The following PCDH15 variants were observed in gnomAD, a reference collection of about 807,000 sequenced individuals.
The protein encoded by PCDH15 is protocadherin related 15.
PCDH15 carries 129 observed loss-of-function variants against 178.5 expected under a neutral mutation model. That is an observed-to-expected ratio of 0.72 (90% CI 0.63 to 0.84). The LOEUF (loss-of-function observed/expected upper bound fraction) is 0.84. PCDH15 is among the 40% of genes least tolerant of loss of function. PCDH15 has a pLI of 0.00. For synonymous variants in PCDH15, 800 were observed against 732.0 expected (o/e 1.09, Z -1.50); for missense variants, 2,230 against 2,099.9 (o/e 1.06, Z -1.21).
chr10:54,259,287 C>G (rs1479567509), intron 8 of PCDH15, among the ~76,000 whole-genome samples: 3 of 152,180 alleles, frequency 2.0e-5, no homozygotes, highest in Admixed American at 6.5e-5. Flanking sequence ...CCAACATCTT[C>G]TACCGGCCCC....
chr10:55,405,356 A>G (rs1436893831), intron 2 of PCDH15, among the ~76,000 whole-genome samples: 2 of 146,524 alleles, frequency 1.4e-5, no homozygotes, highest in Non-Finnish European at 3.0e-5. Flanking sequence ...GTCATAATAT[A>G]AAGGAGTAAT....
chr10:53,910,829 T>C (rs1319002269), intron 25 of PCDH15, among the ~76,000 whole-genome samples: 2 of 152,088 alleles, frequency 1.3e-5, no homozygotes, highest in African/African-American at 4.8e-5. Context: ...AATGACCTGA[T>C]GGAGCTGAAA....
intron 1 of PCDH15, among the ~76,000 whole-genome samples, chr10:54,718,488 C>T (rs2095507913): frequency 6.6e-6 from 1 of 151,910 alleles, no homozygotes; most frequent in Non-Finnish European, 1.5e-5. Flanking sequence ...GCCCTGAAAG[C>T]ACCCAGAACC....
intron 3 of PCDH15, among the ~76,000 whole-genome samples, chr10:54,475,696 T>A (rs1195236429): frequency 2.6e-5 from 4 of 151,866 alleles, no homozygotes; most frequent in Non-Finnish European, 5.9e-5. Context: ...TTGCATTGCC[T>A]CTGAGGGCAA....
chr10:54,159,456 C>T (rs895892594), intron 13 of PCDH15, among the ~76,000 whole-genome samples: 2 of 152,080 alleles, frequency 1.3e-5, no homozygotes, highest in Non-Finnish European at 2.9e-5. Context: ...TCGCTCATGA[C>T]ATGGTTTCTG....
At chr10:54,828,562 A>G (rs1183094684) in intron 3 of PCDH15, among the ~76,000 whole-genome samples, 1 of 151,972 alleles carries the variant, frequency 6.6e-6, no homozygotes, top group Non-Finnish European at 1.5e-5. Context: ...AATAATGGTA[A>G]TAATGCATTT....
chr10:54,694,108 T>A (rs61626192), intron 1 of PCDH15, among the ~76,000 whole-genome samples: 35,157 of 151,800 alleles, frequency 0.23, 4,261 homozygotes, highest in Middle Eastern at 0.29. Flanking sequence ...CATCATTTAG[T>A]ATATTAAAAA....
At chr10:54,329,540 T>C (rs1938963487) in intron 7 of PCDH15, 56 bp downstream of exon 7, 2 of 1,292,684 alleles carry the variant, frequency 1.5e-6, no homozygotes, top group African/African-American at 1.5e-5. Context: ...ACATTTTGGA[T>C]GAGTTTTTTA....
chr10:55,173,327 GTGTGTGTGTGTGTGTGTGTA>G (rs930468951), intron 1 of PCDH15, among the ~76,000 whole-genome samples: 1 of 150,272 alleles, frequency 6.7e-6, no homozygotes, highest in Non-Finnish European at 1.5e-5. Flanking sequence ...GTGTGTGTGT[GTGTGTGTGTGTGTGTGTGTA>G]TGTGTATGTA....
chr10:53,807,131 C>CTGAT lies in PCDH15; in HGVS notation c.4672-5_4672-2dup, dbSNP rs773129893. ...ACTTGATCATTCTTTTTCTTGCCCA[C>CTGAT]TGATAAAATAAACAAAAATATGTGA... On this transcript the variant is annotated splice_acceptor_variant, in intron 37 of 37. Coordinates refer to ENST00000644397, the MANE Select transcript of PCDH15 (RefSeq NM_001384140.1). LOFTEE classifies it high-confidence loss of function. The CTGAT allele has an allele frequency of 1.9e-6, 3 of 1,580,034 alleles. No individual in the cohort carries two copies. The highest frequency in any genetic ancestry group is 4.5e-5 in the East Asian group (2 of 44,482).
At chr10:54,498,638 T>C (rs565797010) in intron 3 of PCDH15, among the ~76,000 whole-genome samples, 1 of 152,206 alleles carries the variant, frequency 6.6e-6, no homozygotes, top group East Asian at 1.9e-4. Flanking sequence ...AGGGTCCTAT[T>C]CTTATTACAG....
chr10:54,365,907 G>T (rs897730324), intron 5 of PCDH15, among the ~76,000 whole-genome samples: 1 of 151,990 alleles, frequency 6.6e-6, no homozygotes, highest in Non-Finnish European at 1.5e-5. Flanking sequence ...AGAAGAACAT[G>T]TTTACGAAGA....
At chr10:54,757,775 T>C (rs1015114013) in intron 1 of PCDH15, among the ~76,000 whole-genome samples, 1 of 152,156 alleles carries the variant, frequency 6.6e-6, no homozygotes, top group Non-Finnish European at 1.5e-5. Flanking sequence ...CCTTAGTAAT[T>C]GCAATTATGA....
intron 2 of PCDH15, among the ~76,000 whole-genome samples, chr10:55,605,357 A>G (rs962008920): frequency 7.1e-4 from 108 of 152,018 alleles, no homozygotes; most frequent in African/African-American, 2.5e-3. Context: ...AACTATTCCA[A>G]TCAATAGAAA....
intron 2 of PCDH15, among the ~76,000 whole-genome samples, chr10:55,440,437 A>C (rs1839153728): frequency 6.6e-6 from 1 of 152,202 alleles, no homozygotes; most frequent in Non-Finnish European, 1.5e-5. Context: ...TAGTGGATAT[A>C]TAACTAACAA....
intron 1 of PCDH15, among the ~76,000 whole-genome samples, chr10:55,214,950 G>C (rs1280234995): frequency 6.6e-6 from 1 of 152,078 alleles, no homozygotes; most frequent in Non-Finnish European, 1.5e-5. Flanking sequence ...AGGTAAGCTT[G>C]AATTTGAGAG....
chr10:55,217,556 A>G (rs2132178895), intron 1 of PCDH15, among the ~76,000 whole-genome samples: 1 of 151,934 alleles, frequency 6.6e-6, no homozygotes, highest in South Asian at 2.1e-4. Flanking sequence ...CTCACAATTC[A>G]TGTGCTTTAA....
At chr10:54,922,256 A>T (rs2131844983) in intron 2 of PCDH15, among the ~76,000 whole-genome samples, 1 of 152,230 alleles carries the variant, frequency 6.6e-6, no homozygotes, top group East Asian at 2.0e-4. Context: ...ATCTGATCAG[A>T]GGCAAGGCAA....
chr10:53,957,204 G>A (rs992940306), intron 23 of PCDH15, among the ~76,000 whole-genome samples: 8 of 152,130 alleles, frequency 5.3e-5, no homozygotes, highest in East Asian at 1.9e-4. Context: ...TAGACTTGCC[G>A]CAAGGGGCTT....
Sources: gnomAD v4.1 joint callset for allele counts (sites outside exome capture counted in the v4.1 genomes callset) on GRCh38, gnomAD v4.1.1 for gene constraint, MANE v1.5 for transcripts, NCBI Gene and HGNC (gene_info 2026-07-23, HGNC 2026-07-21) for gene names.